NTN4: variants seen among roughly 807,000 people sequenced by gnomAD.
NTN4 encodes netrin-4.
NTN4 carries 32 observed loss-of-function variants against 73.6 expected under a neutral mutation model. That is an observed-to-expected ratio of 0.44 (90% confidence interval 0.33 to 0.58). The LOEUF (loss-of-function observed/expected upper bound fraction) is 0.58. Among genes scored for constraint, NTN4 ranks in the 20% least tolerant of loss-of-function variants. NTN4 has a pLI of 0.04. For synonymous variants in NTN4, 258 were observed against 287.5 expected (o/e 0.90, Z 1.04); for missense variants, 654 against 798.3 (o/e 0.82, Z 2.18).
intron 5 of NTN4, 71 bp from the exon 6 acceptor site, chr12:95,683,782 A>G (rs972699901): frequency 9.7e-6 from 12 of 1,242,760 alleles, no homozygotes; most frequent in Non-Finnish European, 1.4e-5. Context: ...AGGCTTGACC[A>G]TCCCCAAGTG....
chr12:95,767,629 C>T lies in NTN4; in HGVS notation c.585+19310G>A, dbSNP rs143818217. Among the ~76,000 whole-genome samples, 4 of 152,226 alleles carry T rather than the reference C, an allele frequency of 2.6e-5. No individual in the cohort carries two copies. In the East Asian group the frequency reaches 7.7e-4, roughly 29 times the overall value. On this transcript the variant is annotated intron_variant, in intron 2 of 9. Transcript: ENST00000343702. ...GTTTTTCAGAATCACAAAACAACTC[C>T]CCATGCAACGAACTCAGCATTGTGA...
intron 2 of NTN4, among the ~76,000 whole-genome samples, chr12:95,748,641 T>G (rs1054869038): frequency 6.6e-6 from 1 of 152,116 alleles, no homozygotes; most frequent in African/African-American, 2.4e-5. Context: ...CAGCTAAGTT[T>G]TGTATTTTTA....
At chr12:95,757,416 A>T (rs141623835) in intron 2 of NTN4, among the ~76,000 whole-genome samples, 1 of 152,192 alleles carries the variant, frequency 6.6e-6, no homozygotes, top group African/African-American at 2.4e-5. Context: ...ATTACATCAC[A>T]GCTGACTTTG....
At chr12:95,769,006 T>C (rs1014748051) in intron 2 of NTN4, among the ~76,000 whole-genome samples, 2 of 152,140 alleles carry the variant, frequency 1.3e-5, no homozygotes, top group African/African-American at 4.8e-5. Flanking sequence ...AGGCAAGCTC[T>C]TTAGCTGAGA....
At chr12:95,678,481 A>G (rs1042867939) in intron 7 of NTN4, among the ~76,000 whole-genome samples, 2 of 152,188 alleles carry the variant, frequency 1.3e-5, no homozygotes, top group Non-Finnish European at 2.9e-5. Context: ...GCTAAAAGCA[A>G]AACTCATTAA....
chr12:95,759,779 T>C (rs768880963), intron 2 of NTN4, among the ~76,000 whole-genome samples: 2 of 152,180 alleles, frequency 1.3e-5, no homozygotes, highest in African/African-American at 4.8e-5. Flanking sequence ...GTATATTTTT[T>C]AAATTTCAGA....
Position 95,790,324 on chromosome 12 carries a change from G to GGAGGAGCCA in NTN4, c.-16_-15insTGGCTCCTC. On this transcript the variant is annotated 5_prime_UTR_variant, in exon 1 of 10. Coordinates refer to ENST00000343702, the MANE Select transcript of NTN4 (RefSeq NM_021229.4). The surrounding 1 kb of genome is among the most constrained non-coding windows in gnomAD (Gnocchi z 6.5). ...CAGCTCCCCATGGCCGGGAGGAGCC[G>GGAGGAGCCA]GGAGCAGCCGGGCCGGGCGGGTGCC... 2.0e-6 allele frequency: 3 copies of GGAGGAGCCA among 1,524,250 alleles called. No individual in the cohort carries two copies. The highest frequency in any genetic ancestry group is 2.6e-6 in the Non-Finnish European group (3 of 1,136,624). The allele number at this position is 1,524,250 out of a possible 1,614,324, so 94.4% of individuals were successfully genotyped here. A position where few individuals can be genotyped will look rare whatever the true frequency, so the allele number is the denominator to read the frequency against.
chr12:95,666,788 C>T (rs558141610), intron 8 of NTN4, among the ~76,000 whole-genome samples: 1 of 152,304 alleles, frequency 6.6e-6, no homozygotes, highest in East Asian at 1.9e-4. Context: ...ATATGATTGA[C>T]TACTTAATAT....
intron 2 of NTN4, among the ~76,000 whole-genome samples, chr12:95,779,777 G>A (rs1174543285): frequency 1.3e-5 from 2 of 152,140 alleles, no homozygotes; most frequent in Non-Finnish European, 2.9e-5. Flanking sequence ...AGCTACCAAT[G>A]ACTTTCTTCA....
chr12:95,689,613 G>A (rs2078387152), intron 5 of NTN4, among the ~76,000 whole-genome samples: 5 of 152,150 alleles, frequency 3.3e-5, no homozygotes, highest in Admixed American at 3.3e-4. Flanking sequence ...GTTAAAGACA[G>A]AACTTTTGAC....
intron 2 of NTN4, among the ~76,000 whole-genome samples, chr12:95,748,827 T>C (rs541691159): frequency 1.3e-5 from 2 of 152,348 alleles, no homozygotes; most frequent in South Asian, 2.1e-4. Context: ...CTGGTTGGAA[T>C]AGGATCTATA....
In NTN4 at chr12:95,738,060, G is replaced by T; in HGVS notation, c.670C>A (p.Leu224Ile). 6.2e-7 allele frequency: 1 copy of T among 1,614,156 alleles called. No individual in the cohort carries two copies. The highest frequency in any genetic ancestry group is 2.2e-5 in the East Asian group (1 of 44,876). The change falls in exon 3 of 10, where the codon CTT becomes ATT. Residue 224 changes from leucine to isoleucine, a missense_variant. Coordinates refer to ENST00000343702, the MANE Select transcript of NTN4 (RefSeq NM_021229.4). ...TGTCGTTTCAGCAGCTGCACGCGAAGGTTGGTGATCTTCAGCTGCTCCTGA... is the reference window on the plus strand; with the variant it reads ...TGTCGTTTCAGCAGCTGCACGCGAATGTTGGTGATCTTCAGCTGCTCCTGA... ...KVQEQLKITNLRVQLLKRQSC... is the reference protein window; with the variant it reads ...KVQEQLKITNIRVQLLKRQSC...
intron 2 of NTN4, among the ~76,000 whole-genome samples, chr12:95,785,062 C>T (rs2079157851): frequency 6.6e-6 from 1 of 152,036 alleles, no homozygotes; most frequent in Admixed American, 6.6e-5. Flanking sequence ...CATCTGGTTA[C>T]TCAGACTGTA....
chr12:95,786,508 G>A (rs1431418717), intron 2 of NTN4, among the ~76,000 whole-genome samples: 2 of 152,130 alleles, frequency 1.3e-5, no homozygotes, highest in Non-Finnish European at 2.9e-5. Flanking sequence ...CTGTCAAACA[G>A]ATTTTTTTTT....
chr12:95,697,839 A>G (rs1478125839), intron 5 of NTN4, among the ~76,000 whole-genome samples: 1 of 152,166 alleles, frequency 6.6e-6, no homozygotes, highest in Non-Finnish European at 1.5e-5. Flanking sequence ...CTGACCAGCT[A>G]TGTGAACATG....
intron 2 of NTN4, among the ~76,000 whole-genome samples, chr12:95,741,118 C>T (rs1336527769): frequency 6.6e-6 from 1 of 151,952 alleles, no homozygotes; most frequent in Non-Finnish European, 1.5e-5. Context: ...CAGTGTAACC[C>T]ACTGCAGGGA....
chr12:95,784,235 AT>A (rs2121302213), intron 2 of NTN4, among the ~76,000 whole-genome samples: 1 of 152,288 alleles, frequency 6.6e-6, no homozygotes, highest in Non-Finnish European at 1.5e-5. Context: ...TACTGCACTG[AT>A]TTATATATAT....
At chr12:95,782,320 G>C (rs2079139248) in intron 2 of NTN4, among the ~76,000 whole-genome samples, 1 of 150,984 alleles carries the variant, frequency 6.6e-6, no homozygotes, top group South Asian at 2.1e-4. Flanking sequence ...TTTTGAGACA[G>C]AGTCTCACTC....
intron 2 of NTN4, among the ~76,000 whole-genome samples, chr12:95,772,021 A>G (rs2079061944): frequency 6.6e-6 from 1 of 152,102 alleles, no homozygotes; most frequent in South Asian, 2.1e-4. Context: ...AGTTGGACCC[A>G]TAAATTAGTG....
Sources: gnomAD v4.1 joint callset for allele counts (sites outside exome capture counted in the v4.1 genomes callset) on GRCh38, gnomAD v4.1.1 for gene constraint, Gnocchi (gnomAD v3.1) non-coding constraint, MANE v1.5 for transcripts, NCBI Gene and HGNC (gene_info 2026-07-23, HGNC 2026-07-21) for gene names.